The following MEGF8 variants were observed in gnomAD, a reference collection of about 807,000 sequenced individuals.
The protein encoded by MEGF8 is multiple EGF like domains 8.
MEGF8 carries 156 observed loss-of-function variants against 302.9 expected under a neutral mutation model. That is an observed-to-expected ratio of 0.52 (90% CI 0.45 to 0.59). The LOEUF (loss-of-function observed/expected upper bound fraction) is 0.59. Ranked by LOEUF, MEGF8 falls within the 20% of genes least tolerant of loss-of-function variation. MEGF8 has a pLI of 0.00. For missense variants in MEGF8, 3,345 were observed against 3,964.5 expected, an observed-to-expected ratio of 0.84 and a Z score of 4.20; for synonymous variants, 1,621 against 1,660.5, an observed-to-expected ratio of 0.98 and a Z score of 0.58.
chr19:42,351,286 G>T lies in MEGF8; in HGVS notation c.2807G>T (p.Gly936Val). ...GCGGCATGCAGCCGGCGGGGCCGGG[G>T]TCGGGGTGCCCTGAAGAGTCCAGAG... ...GDAACSRRGRGRGALKSPEEC... is the reference protein window; with the variant it reads ...GDAACSRRGRVRGALKSPEEC... Residue 936 changes from glycine (G) to valine (V), a missense_variant, in exon 16 of 42, where the codon GGT (glycine) becomes GTT (valine). Coordinates refer to ENST00000251268, the MANE Select transcript of MEGF8 (RefSeq NM_001271938.2). This position sits in a 1 kb window ranked among gnomAD's most constrained non-coding sequence, Gnocchi z 5.6. 2 of 1,570,110 alleles carry T rather than the reference G, an allele frequency of 1.3e-6. No individual in the cohort carries two copies. The highest frequency in any genetic ancestry group is 1.7e-6 in the Non-Finnish European group (2 of 1,157,240).
chr19:42,340,152 C>G (rs1448310353), intron 8 of MEGF8, among the ~76,000 whole-genome samples: 1 of 152,206 alleles, frequency 6.6e-6, no homozygotes. Context: ...CATTGGATAG[C>G]TGTAAGAGTA....
intron 14 of MEGF8, 24 bp downstream of exon 14, chr19:42,349,723 A>G: frequency 6.2e-7 from 1 of 1,600,950 alleles, no homozygotes. Flanking sequence ...ACCTACCTCC[A>G]ACCCTAGCCG....
intron 8 of MEGF8, among the ~76,000 whole-genome samples, chr19:42,338,246 GT>G (rs966532708): frequency 7.7e-5 from 11 of 142,658 alleles, no homozygotes; most frequent in Middle Eastern, 3.6e-3. Context: ...TTTTTTTTTT[GT>G]TTTTTTTTTG....
At position 42,375,576 on chromosome 19, in the gene MEGF8, G is replaced by T. The variant is rs760535193; in HGVS notation, c.7339G>T (p.Val2447Leu). ...CCAGCAGTGCTACCGCCTCATCTCG[G>T]TGGAGCAGGAGTGCTGCCTGGACCC... ...GGQQCYRLIS[V>L]EQECCLDPTS... Residue 2447 changes from valine to leucine, a missense_variant, in exon 42 of 42, where the codon GTG (valine) becomes TTG (leucine). Coordinates refer to ENST00000251268, the MANE Select transcript of MEGF8 (RefSeq NM_001271938.2). The surrounding 1 kb of genome is among the most constrained non-coding windows in gnomAD (Gnocchi z 7.1). The T allele has an allele frequency of 2.1e-5, 33 of 1,597,530 alleles. No homozygotes were observed. The highest frequency in any genetic ancestry group is 2.6e-5 in the Non-Finnish European group (31 of 1,173,184).
Position 42,351,295 on chromosome 19 carries a change from C to T in MEGF8, c.2816C>T (p.Ala939Val). The change falls in exon 16 of 42, where the codon GCC becomes GTC. Residue 939 changes from alanine (A) to valine (V), a missense_variant. Coordinates refer to ENST00000251268, the MANE Select transcript of MEGF8 (RefSeq NM_001271938.2). The surrounding 1 kb of genome is among the most constrained non-coding windows in gnomAD (Gnocchi z 5.6). Reference sequence around the variant, plus strand: ...AGCCGGCGGGGCCGGGGTCGGGGTGCCCTGAAGAGTCCAGAGGAGTGTCCC... The same window carrying T: ...AGCCGGCGGGGCCGGGGTCGGGGTGTCCTGAAGAGTCCAGAGGAGTGTCCC... ...ACSRRGRGRGALKSPEECPPL... is the reference protein window; with the variant it reads ...ACSRRGRGRGVLKSPEECPPL... The T allele has an allele frequency of 1.9e-6, 3 of 1,568,742 alleles. No homozygotes were observed. Among genetic ancestry groups the T allele is most frequent in the South Asian group, 1.2e-5 (1 of 85,488 alleles).
At chr19:42,370,662 C>T in intron 39 of MEGF8, 39 bp from the exon 40 acceptor site, 4 of 1,576,004 alleles carry the variant, frequency 2.5e-6, no homozygotes, top group South Asian at 1.2e-5. Context: ...GGGGGTTGGT[C>T]CAGGCCTTTC....
chr19:42,326,459 A>C, intron 1 of MEGF8, 29 bp downstream of exon 1: 1 of 1,501,434 alleles, frequency 6.7e-7, no homozygotes, highest in Non-Finnish European at 8.8e-7. Context: ...GTCACTCACT[A>C]ATTCGCTGGT....
Position 42,376,828 on chromosome 19 carries a change from G to A in MEGF8, c.*53G>A. 3 of 1,410,550 alleles carry A rather than the reference G, an allele frequency of 2.1e-6. No individual in the cohort carries two copies. Among genetic ancestry groups the A allele is most frequent in the Admixed American group, 3.1e-5 (1 of 32,686 alleles). The allele number at this position is 1,410,550 out of a possible 1,614,324, so 87.4% of individuals were successfully genotyped here. ...CTGGGTCACCTGATAGGGCCGCCCT[G>A]GACTTGGGGTCCCTCCACCTGGGGG... On this transcript the variant is annotated 3_prime_UTR_variant, in exon 42 of 42. Coordinates refer to ENST00000251268, the MANE Select transcript of MEGF8 (RefSeq NM_001271938.2). This position sits in a 1 kb window ranked among gnomAD's most constrained non-coding sequence, Gnocchi z 8.2.
At position 42,344,474 on chromosome 19, in the gene MEGF8, C is replaced by A. The variant is rs1381630142; in HGVS notation, c.1822C>A (p.Leu608Ile). The change falls in exon 11 of 42, where the codon CTC becomes ATC. Residue 608 changes from leucine to isoleucine, a missense_variant. By Grantham distance (5) the Leu-to-Ile change is conservative. Coordinates refer to ENST00000251268, the MANE Select transcript of MEGF8 (RefSeq NM_001271938.2). The surrounding 1 kb of genome is among the most constrained non-coding windows in gnomAD (Gnocchi z 4.5). ...PAASCLGLGR[L>I]LGDCQACLAF... is the part of the protein sequence containing the mutation. ...CGCCAGCTGCCTGGGCCTGGGCCGC[C>A]TCCTGGGTGACTGCCAGGCCTGCCT... is the stretch of plus-strand genomic sequence containing the variant. 6.3e-7 allele frequency: 1 copy of A among 1,597,610 alleles called. No individual in the cohort carries two copies. Among genetic ancestry groups the A allele is most frequent in the Non-Finnish European group, 8.5e-7 (1 of 1,179,082 alleles).
intron 1 of MEGF8, 125 bp downstream of exon 1, chr19:42,326,555 C>A: frequency 7.1e-7 from 1 of 1,399,946 alleles, no homozygotes; most frequent in Non-Finnish European, 9.3e-7. Flanking sequence ...ATGCCTGACA[C>A]CCAGGGTTGC....
intron 12 of MEGF8, among the ~76,000 whole-genome samples, chr19:42,346,984 C>CAAAAAAAAAA (rs767117534): frequency 2.0e-5 from 1 of 49,808 alleles, no homozygotes; most frequent in African/African-American, 7.4e-5. Context: ...GACTCTGTCT[C>CAAAAAAAAAA]AAAAAAAAAA....
Position 42,375,579 on chromosome 19 carries a change from G to A in MEGF8, c.7342G>A (p.Glu2448Lys), listed in dbSNP as rs1568579645. 1 of 1,596,926 alleles carries A rather than the reference G, an allele frequency of 6.3e-7. No homozygotes were observed. Among genetic ancestry groups the A allele is most frequent in the Non-Finnish European group, 8.5e-7 (1 of 1,173,006 alleles). ...GQQCYRLISV[E>K]QECCLDPTSQ... is the part of the protein sequence containing the mutation. Reference sequence around the variant, plus strand: ...GCAGTGCTACCGCCTCATCTCGGTGGAGCAGGAGTGCTGCCTGGACCCCAC... The same window carrying A: ...GCAGTGCTACCGCCTCATCTCGGTGAAGCAGGAGTGCTGCCTGGACCCCAC... The change falls in exon 42 of 42, where the codon GAG (glutamate) becomes AAG (lysine). Residue 2448 changes from glutamate to lysine, a missense_variant. Glu to Lys is a moderately conservative substitution (Grantham distance 56). Transcript: ENST00000251268. The surrounding 1 kb of genome is among the most constrained non-coding windows in gnomAD (Gnocchi z 7.1).
At position 42,357,233 on chromosome 19, in the gene MEGF8, A is replaced by T. The variant is rs1207672995; in HGVS notation, c.4831-171A>T. Among the ~76,000 whole-genome samples, 10 of 152,190 alleles carry T rather than the reference A, an allele frequency of 6.6e-5. No individual in the cohort carries two copies. The highest frequency in any genetic ancestry group is 1.5e-4 in the Non-Finnish European group (10 of 68,022). On this transcript the variant is annotated intron_variant, in intron 27 of 41. Transcript: ENST00000251268. This position sits in a 1 kb window ranked among gnomAD's most constrained non-coding sequence, Gnocchi z 5.2. ...CCAGGCTTGAGCAGGTGGAAATGCC[A>T]AGGGGCCCACTGTGCCTCTGCCAGG...
In MEGF8 at chr19:42,350,074, T is replaced by A. The variant is rs894235309; in HGVS notation, c.2500-74T>A. The A allele has an allele frequency of 4.0e-6, 5 of 1,253,156 alleles. No homozygotes were observed. In the Admixed American group the frequency reaches 8.5e-5, roughly 21 times the overall value. The allele number at this position is 1,253,156 out of a possible 1,614,324, so 77.6% of individuals were successfully genotyped here. A position where few individuals can be genotyped will look rare whatever the true frequency, so the allele number is the denominator to read the frequency against. On this transcript the variant is annotated intron_variant, in intron 14 of 41. Coordinates refer to ENST00000251268, the MANE Select transcript of MEGF8 (RefSeq NM_001271938.2). ...GTTCTCAACCTGGGCTCCAAACCCT[T>A]ACTTTCAGTTAGCGCCAGACTCTGA...
At position 42,344,645 on chromosome 19, in the gene MEGF8, C is replaced by G; in HGVS notation, c.1934-25C>G. The G allele has an allele frequency of 6.4e-7, 1 of 1,560,300 alleles. No individual in the cohort carries two copies. Among genetic ancestry groups the G allele is most frequent in the African/African-American group, 1.4e-5 (1 of 73,980 alleles). On this transcript the variant is annotated intron_variant, in intron 11 of 41. Transcript: ENST00000251268. This position sits in a 1 kb window ranked among gnomAD's most constrained non-coding sequence, Gnocchi z 4.5. ...GCCAGAGCACTCCACACTGACCCAC[C>G]GGCCCCCACCCCCTGTCTTCTCAGA...
At position 42,336,457 on chromosome 19, in the gene MEGF8, G is replaced by T; in HGVS notation, c.1244+111G>T. 1 of 1,104,732 alleles carries T rather than the reference G, an allele frequency of 9.1e-7. No homozygotes were observed. The highest frequency in any genetic ancestry group is 1.3e-6 in the Non-Finnish European group (1 of 797,936). 68.4% of individuals were successfully genotyped at this position (1,104,732 alleles called of 1,614,324 possible). ...ACTGTCGGACTCCTGTGGTCTCTCA[G>T]TCACTCCTTCCTTCATGTATTTACT... On this transcript the variant is annotated intron_variant, in intron 6 of 41. Transcript: ENST00000251268. The surrounding 1 kb of genome is among the most constrained non-coding windows in gnomAD (Gnocchi z 4.8).
chr19:42,349,367 A>G, intron 13 of MEGF8, 132 bp from the exon 14 acceptor site: 1 of 711,414 alleles, frequency 1.4e-6, no homozygotes, highest in Non-Finnish European at 2.2e-6. Flanking sequence ...TGAGGTTCTC[A>G]GGATCTAAGG....
chr19:42,347,314 T>TC lies in MEGF8; in HGVS notation c.2098-957dup, dbSNP rs1285577741. On this transcript the variant is annotated intron_variant, in intron 12 of 41. Coordinates refer to ENST00000251268, the MANE Select transcript of MEGF8 (RefSeq NM_001271938.2). ...AACAGAACTTAAGAAACACTCTCAT[T>TC]CTTTTTTTTTTTTTTTTTTTGAGAT... Among the ~76,000 whole-genome samples, 5 of 151,066 alleles carry TC rather than the reference T, an allele frequency of 3.3e-5. No homozygotes were observed. The East Asian group carries it at 9.7e-4, about 29-fold the overall frequency.
Position 42,357,020 on chromosome 19 carries a change from C to A in MEGF8, c.4830+39C>A. ...CCCAGCCCACTCCCCAGCCCTCACA[C>A]TGGGCCCTGACAGAGACAGCTGTGG... On this transcript the variant is annotated intron_variant, in intron 27 of 41. Transcript: ENST00000251268. This position sits in a 1 kb window ranked among gnomAD's most constrained non-coding sequence, Gnocchi z 5.2. 2.0e-6 allele frequency: 3 copies of A among 1,524,522 alleles called. No individual in the cohort carries two copies. Among genetic ancestry groups the A allele is most frequent in the Non-Finnish European group, 2.7e-6 (3 of 1,130,686 alleles). 94.4% of individuals were successfully genotyped at this position (1,524,522 alleles called of 1,614,324 possible).
Sources: allele counts gnomAD v4.1 joint callset (sites outside exome capture counted in the v4.1 genomes callset), GRCh38; gene constraint gnomAD v4.1.1; non-coding constraint Gnocchi (gnomAD v3.1); transcripts MANE v1.5; gene names NCBI Gene and HGNC (gene_info 2026-07-23, HGNC 2026-07-21).